The following LEKR1 variants were observed in gnomAD, a reference collection of about 807,000 sequenced individuals.
The protein encoded by LEKR1 is protein LEKR1.
LEKR1 carries 59 observed loss-of-function variants against 72.4 expected under a neutral mutation model. The observed-to-expected ratio is 0.82, with a 90% CI of 0.66 to 1.01. LEKR1 has a LOEUF of 1.01. LEKR1 is among the 50% of genes least tolerant of loss of function. The pLI, the probability that LEKR1 is intolerant of heterozygous loss-of-function variation, is 0.00. For missense variants in LEKR1, 728 were observed against 759.2 expected, an observed-to-expected ratio of 0.96 and a Z score of 0.48; for synonymous variants, 257 against 263.2, an observed-to-expected ratio of 0.98 and a Z score of 0.23.
At chr3:156,919,129 C>T (rs987096772) in intron 3 of LEKR1, among the ~76,000 whole-genome samples, 1 of 152,174 alleles carries the variant, frequency 6.6e-6, no homozygotes, top group African/African-American at 2.4e-5. Context: ...GCTTGCAAAT[C>T]GAGAGTACCC....
chr3:156,835,011 A>G (rs1253574724), intron 2 of LEKR1, among the ~76,000 whole-genome samples: 3 of 152,202 alleles, frequency 2.0e-5, no homozygotes, highest in Non-Finnish European at 4.4e-5. Context: ...CATCCCACAC[A>G]CAACACATAT....
chr3:157,004,525 C>T lies in LEKR1; in HGVS notation c.1110-6888C>T, dbSNP rs142262749. On this transcript the variant is annotated intron_variant, in intron 9 of 12. Coordinates refer to ENST00000356539, the MANE Select transcript of LEKR1 (RefSeq NM_001004316.3). ...AACAACAGCAGAATACACATTTTCC[C>T]GCCGTGGTTATACAGATTACTCACT... Among the ~76,000 whole-genome samples the T allele has an allele frequency of 5.0e-3, 764 of 152,100 alleles. 3 individuals are homozygous for T. Among genetic ancestry groups the T allele is most frequent in the African/African-American group, 0.017 (711 of 41,520 alleles).
chr3:156,898,461 T>G (rs189608084), intron 3 of LEKR1, among the ~76,000 whole-genome samples: 187 of 152,290 alleles, frequency 1.2e-3, no homozygotes, highest in African/African-American at 4.3e-3. Context: ...CGTGTGAGGT[T>G]ACAGTGGGAA....
At chr3:156,973,813 C>T (rs1350369878) in intron 6 of LEKR1, among the ~76,000 whole-genome samples, 1 of 152,020 alleles carries the variant, frequency 6.6e-6, no homozygotes, top group Non-Finnish European at 1.5e-5. Context: ...CAAGTTAAAC[C>T]AGAGACACTA....
At chr3:157,020,594 C>T (rs1216727506) in intron 10 of LEKR1, among the ~76,000 whole-genome samples, 1 of 151,488 alleles carries the variant, frequency 6.6e-6, no homozygotes, top group African/African-American at 2.4e-5. Flanking sequence ...CATGTACCTA[C>T]AAAGGACATG....
chr3:156,957,455 A>G (rs1407299264), intron 6 of LEKR1, among the ~76,000 whole-genome samples: 1 of 150,662 alleles, frequency 6.6e-6, no homozygotes, highest in Admixed American at 6.6e-5. Context: ...TGTTTTAGCA[A>G]TAAACTATCT....
In LEKR1 at chr3:157,028,205, A is replaced by C; in HGVS notation, c.1471A>C (p.Asn491His). ...KSHIRYTEES[N>H]SKEKEIENLK... ...CCATATTCGGTACACTGAAGAATCT[A>C]ATTCAAAGGAAAAAGAAATTGAAAA... Residue 491 changes from asparagine (N) to histidine (H), a missense_variant, in exon 12 of 13, where the codon AAT (asparagine) becomes CAT (histidine). Transcript: ENST00000356539. 1.2e-6 allele frequency: 2 copies of C among 1,612,202 alleles called. No homozygotes were observed. The highest frequency in any genetic ancestry group is 1.7e-6 in the Non-Finnish European group (2 of 1,178,464).
intron 5 of LEKR1, among the ~76,000 whole-genome samples, chr3:156,929,215 T>G (rs1449832300): frequency 6.6e-6 from 1 of 151,962 alleles, no homozygotes; most frequent in Admixed American, 6.6e-5. Flanking sequence ...AAATAAACAT[T>G]GAAGATCCCC....
chr3:156,945,368 G>A (rs953481057), intron 6 of LEKR1, among the ~76,000 whole-genome samples: 4 of 151,814 alleles, frequency 2.6e-5, no homozygotes, highest in Admixed American at 2.6e-4. Flanking sequence ...CATTCTGTGG[G>A]TTGTCTCTTG....
intron 9 of LEKR1, among the ~76,000 whole-genome samples, chr3:157,002,646 G>A (rs138052718): frequency 1.8e-3 from 274 of 152,218 alleles, no homozygotes; most frequent in Non-Finnish European, 3.0e-3. Context: ...AATCAAAGCG[G>A]TATAAAAGTC....
At chr3:157,045,280 A>G in intron 12 of LEKR1, 60 bp from the exon 13 acceptor site, 2 of 1,380,626 alleles carry the variant, frequency 1.4e-6, no homozygotes, top group Non-Finnish European at 2.0e-6. Flanking sequence ...GTCCGTAACT[A>G]TCTACTTATG....
chr3:156,846,148 G>T (rs1481457135), intron 2 of LEKR1, among the ~76,000 whole-genome samples: 4 of 152,054 alleles, frequency 2.6e-5, no homozygotes, highest in Non-Finnish European at 5.9e-5. Flanking sequence ...ATATATAAAT[G>T]CAGTTGATTG....
intron 6 of LEKR1, among the ~76,000 whole-genome samples, chr3:156,966,461 A>G (rs1728604718): frequency 6.6e-6 from 1 of 152,320 alleles, no homozygotes; most frequent in East Asian, 1.9e-4. Context: ...ATCTTAGCAA[A>G]TGACACATCA....
chr3:157,018,665 A>G (rs1166434019), intron 10 of LEKR1, among the ~76,000 whole-genome samples: 2 of 152,202 alleles, frequency 1.3e-5, no homozygotes, highest in African/African-American at 4.8e-5. Context: ...GTTCACCGGC[A>G]ACACCTGAGT....
chr3:156,935,883 G>A (rs991280577), intron 5 of LEKR1, among the ~76,000 whole-genome samples: 1 of 152,126 alleles, frequency 6.6e-6, no homozygotes, highest in African/African-American at 2.4e-5. Flanking sequence ...AAAATTACAT[G>A]TGTGGTTTGC....
chr3:156,942,542 G>A lies in LEKR1; in HGVS notation c.573G>A (p.Leu191=). 1 of 1,208,810 alleles carries A rather than the reference G, an allele frequency of 8.3e-7. No individual in the cohort carries two copies. Among genetic ancestry groups the A allele is most frequent in the Non-Finnish European group, 1.1e-6 (1 of 928,218 alleles). 74.9% of individuals were successfully genotyped at this position (1,208,810 alleles called of 1,614,324 possible). The change falls in exon 6 of 13, where the codon CTG becomes CTA. Residue 191 remains leucine, a synonymous_variant. Coordinates refer to ENST00000356539, the MANE Select transcript of LEKR1 (RefSeq NM_001004316.3). ...TTCTTCTTACAGAAATAGACATACT[G>A]AATAAAAGTTTGACAGTATCCCAGA... ...SETALTEIDI[L]NKSLTVSQRN... is the part of the protein sequence containing the mutation.
At chr3:156,994,347 C>T (rs1219825346) in intron 9 of LEKR1, among the ~76,000 whole-genome samples, 2 of 152,114 alleles carry the variant, frequency 1.3e-5, no homozygotes, top group African/African-American at 4.8e-5. Flanking sequence ...TCTGTTTCTA[C>T]ACCAGGCAAG....
At chr3:156,889,228 G>A (rs919771641) in intron 3 of LEKR1, among the ~76,000 whole-genome samples, 1 of 151,800 alleles carries the variant, frequency 6.6e-6, no homozygotes, top group Non-Finnish European at 1.5e-5. Flanking sequence ...AATCTTTCTA[G>A]GGTTGATAGC....
intron 6 of LEKR1, among the ~76,000 whole-genome samples, chr3:156,965,366 A>T (rs1337248685): frequency 6.6e-6 from 1 of 152,192 alleles, no homozygotes; most frequent in Admixed American, 6.5e-5. Flanking sequence ...CAGCAGAAAC[A>T]GAAGCATTTT....
Sources: gnomAD v4.1 joint callset for allele counts (sites outside exome capture counted in the v4.1 genomes callset) on GRCh38, gnomAD v4.1.1 for gene constraint, MANE v1.5 for transcripts, NCBI Gene and HGNC (gene_info 2026-07-23, HGNC 2026-07-21) for gene names.